Variants in GRB14 observed in about 807,000 individuals in gnomAD.
The protein encoded by GRB14 is growth factor receptor bound protein 14, also known as growth factor receptor-bound protein 14.
In GRB14, 38 loss-of-function variants were observed where a neutral mutation model predicts 69.1. The observed-to-expected ratio is 0.55, with a 90% CI of 0.42 to 0.72. GRB14 has a LOEUF of 0.72. GRB14 is among the 30% of genes least tolerant of loss of function. The pLI, the probability that GRB14 is intolerant of heterozygous loss-of-function variation, is 0.00. For missense variants in GRB14, 666 were observed against 666.1 expected (o/e 1.00, Z 0.00); for synonymous variants, 247 against 241.3 (o/e 1.02, Z -0.22).
chr2:164,617,084 C>A (rs1021822813), intron 2 of GRB14, among the ~76,000 whole-genome samples: 1 of 152,028 alleles, frequency 6.6e-6, no homozygotes, highest in Admixed American at 6.6e-5. Context: ...AGGATCAGTT[C>A]TAAATGCAAA....
Position 164,505,483 on chromosome 2 carries a change from C to T in GRB14, c.1023+2972G>A, listed in dbSNP as rs752330937. Among the ~76,000 whole-genome samples, 39 of 152,054 alleles carry T rather than the reference C, an allele frequency of 2.6e-4. 1 individual carries two copies. The highest frequency in any genetic ancestry group is 6.6e-4 in the Admixed American group (10 of 15,260). On this transcript the variant is annotated intron_variant, in intron 8 of 13. Coordinates refer to ENST00000263915, the MANE Select transcript of GRB14 (RefSeq NM_004490.3). ...AATCACCAGCATCAAACCTTGCACACGCAATATCAGTGGAACACAGCCCCA... is the reference window on the plus strand; with the variant it reads ...AATCACCAGCATCAAACCTTGCACATGCAATATCAGTGGAACACAGCCCCA...
chr2:164,576,046 TAAG>T (rs1485616461), intron 2 of GRB14, among the ~76,000 whole-genome samples: 1 of 151,800 alleles, frequency 6.6e-6, no homozygotes, highest in Admixed American at 6.6e-5. Flanking sequence ...TGCCTGTTCA[TAAG>T]AATAGGCAAA....
At chr2:164,599,713 T>C (rs916365160) in intron 2 of GRB14, among the ~76,000 whole-genome samples, 6 of 152,142 alleles carry the variant, frequency 3.9e-5, no homozygotes, top group Admixed American at 2.6e-4. Context: ...GGAGGAAAAA[T>C]AGCATATTAT....
chr2:164,572,168 G>A (rs1408789453), intron 2 of GRB14, among the ~76,000 whole-genome samples: 1 of 152,162 alleles, frequency 6.6e-6, no homozygotes, highest in Non-Finnish European at 1.5e-5. Context: ...TTAGGTTGGT[G>A]CAAAAGTAAT....
intron 2 of GRB14, chr2:164,574,145 C>T: frequency 1.6e-6 from 1 of 638,902 alleles, no homozygotes; most frequent in Non-Finnish European, 2.7e-6. Flanking sequence ...GACATAGAGT[C>T]AGTCTTTACA....
chr2:164,563,042 TA>T (rs1688874151), intron 2 of GRB14, among the ~76,000 whole-genome samples: 1 of 152,064 alleles, frequency 6.6e-6, no homozygotes, highest in Non-Finnish European at 1.5e-5. Flanking sequence ...GAACTCTGGA[TA>T]AAAAGCAGTA....
chr2:164,562,603 T>C (rs1014649976), intron 2 of GRB14, among the ~76,000 whole-genome samples: 14 of 152,332 alleles, frequency 9.2e-5, no homozygotes, highest in Non-Finnish European at 1.9e-4. Flanking sequence ...AAACTGTTTA[T>C]GAAACTAGTA....
At chr2:164,593,817 T>C (rs1013303639) in intron 2 of GRB14, among the ~76,000 whole-genome samples, 3 of 152,148 alleles carry the variant, frequency 2.0e-5, no homozygotes, top group African/African-American at 7.2e-5. Flanking sequence ...CCTGCACAGT[T>C]GGCCACTTGG....
chr2:164,576,422 G>C (rs1032788928), intron 2 of GRB14, among the ~76,000 whole-genome samples: 6 of 151,748 alleles, frequency 4.0e-5, no homozygotes, highest in African/African-American at 1.4e-4. Flanking sequence ...AAAAAAACTT[G>C]ATCACATTGG....
chr2:164,530,787 G>A (rs952910209), intron 3 of GRB14, among the ~76,000 whole-genome samples: 4 of 152,194 alleles, frequency 2.6e-5, no homozygotes, highest in Admixed American at 1.3e-4. Flanking sequence ...AGAAAGCCCT[G>A]CAGTCTATAG....
intron 2 of GRB14, among the ~76,000 whole-genome samples, chr2:164,557,703 G>A (rs932550700): frequency 1.3e-5 from 2 of 152,150 alleles, no homozygotes; most frequent in Non-Finnish European, 2.9e-5. Flanking sequence ...AATCTTTGAG[G>A]TATAGCTCTT....
chr2:164,497,129 G>T, intron 11 of GRB14, 34 bp from the exon 12 acceptor site: 1 of 1,603,906 alleles, frequency 6.2e-7, no homozygotes. Context: ...GCAAAGCTTT[G>T]TTTGAGATGA....
chr2:164,494,098 T>C (rs1218705989), intron 13 of GRB14, among the ~76,000 whole-genome samples: 3 of 152,204 alleles, frequency 2.0e-5, no homozygotes, highest in Admixed American at 6.5e-5. Context: ...TTTAAAGTAA[T>C]GTTTTCTAAA....
At chr2:164,536,838 T>C (rs1469381538) in intron 3 of GRB14, among the ~76,000 whole-genome samples, 1 of 152,216 alleles carries the variant, frequency 6.6e-6, no homozygotes, top group Non-Finnish European at 1.5e-5. Flanking sequence ...ATCTAAATCT[T>C]GTCCACACGG....
chr2:164,503,193 G>GAAAAATAA (rs1401503559), intron 8 of GRB14, among the ~76,000 whole-genome samples: 1 of 139,052 alleles, frequency 7.2e-6, no homozygotes, highest in African/African-American at 2.7e-5. Context: ...AAAAAGAAAA[G>GAAAAATAA]AAAAATAAAA....
rs199613363 is a variant in GRB14, at chr2:164,594,220, C to CA, written c.324+25466dup. ...ATATTGATGAAAACCCTCTGCTCAA[C>CA]AAAAAAAAGGGTTACCTCCTTTGGC... On this transcript the variant is annotated intron_variant, in intron 2 of 13. Coordinates refer to ENST00000263915, the MANE Select transcript of GRB14 (RefSeq NM_004490.3). Among the ~76,000 whole-genome samples the CA allele has an allele frequency of 8.1e-3, 1,229 of 151,364 alleles. 17 individuals carry two copies. The highest frequency in any genetic ancestry group is 0.028 in the African/African-American group (1,165 of 41,276).
intron 2 of GRB14, among the ~76,000 whole-genome samples, chr2:164,576,096 G>A (rs1689244819): frequency 6.7e-6 from 1 of 150,296 alleles, no homozygotes; most frequent in African/African-American, 2.4e-5. Context: ...AGGAAGAAAG[G>A]AGCAAGGAAG....
chr2:164,526,274 C>T lies in GRB14; in HGVS notation c.603+740G>A, dbSNP rs80033683. Among the ~76,000 whole-genome samples, 1,475 of 151,966 alleles carry T rather than the reference C, an allele frequency of 9.7e-3. 62 individuals are homozygous for T. The highest frequency in any genetic ancestry group is 0.077 in the Admixed American group (1,173 of 15,230). The stretch of plus-strand genomic sequence containing the variant: ...GAATCATTTCAATCCAATTATCATC[C>T]AAAACTTAGTGTAAAAATATGCTTC... On this transcript the variant is annotated intron_variant, in intron 4 of 13. Coordinates refer to ENST00000263915, the MANE Select transcript of GRB14 (RefSeq NM_004490.3).
At chr2:164,619,902 G>T in intron 1 of GRB14, 83 bp from the exon 2 acceptor site, 1 of 1,155,454 alleles carries the variant, frequency 8.7e-7, no homozygotes. Context: ...AGTGTGCTAA[G>T]GCGAACATGT....
Sources: allele counts gnomAD v4.1 joint callset (sites outside exome capture counted in the v4.1 genomes callset), GRCh38; gene constraint gnomAD v4.1.1; transcripts MANE v1.5; gene names NCBI Gene and HGNC (gene_info 2026-07-23, HGNC 2026-07-21).